The following PPP2R2D variants were observed in gnomAD, a reference collection of about 807,000 sequenced individuals.
PPP2R2D encodes protein phosphatase 2 regulatory subunit Bdelta, also known as serine/threonine-protein phosphatase 2A 55 kDa regulatory subunit B delta isoform.
A neutral mutation model predicts 31.1 loss-of-function variants in PPP2R2D; 9 were observed. That is an observed-to-expected ratio of 0.29 (90% CI 0.17 to 0.51). The LOEUF (loss-of-function observed/expected upper bound fraction) is 0.51, where lower values mean the gene tolerates loss of function less well. Among genes scored for constraint, PPP2R2D ranks in the 20% least tolerant of loss-of-function variants. The pLI, the probability that PPP2R2D is intolerant of heterozygous loss-of-function variation, is 0.98. For synonymous variants in PPP2R2D, 179 were observed against 172.6 expected (o/e 1.04, Z -0.29); for missense variants, 391 against 465.6 (o/e 0.84, Z 1.48).
chr10:131,933,023 TA>T (rs2036270881), intron 2 of PPP2R2D, among the ~76,000 whole-genome samples: 1 of 152,250 alleles, frequency 6.6e-6, no homozygotes, highest in Admixed American at 6.5e-5. Flanking sequence ...GACATAGATT[TA>T]GACCTTTTTA....
chr10:131,966,017 A>G, the PPP2R2D span, among the ~76,000 whole-genome samples: 2 of 152,166 alleles, frequency 1.3e-5, no homozygotes, highest in African/African-American at 2.4e-5. Flanking sequence ...AATACTGCGT[A>G]TTTAGTTATA....
chr10:131,930,252 GTCTA>G (rs2036195936), intron 2 of PPP2R2D, among the ~76,000 whole-genome samples: 1 of 151,968 alleles, frequency 6.6e-6, no homozygotes, highest in South Asian at 2.1e-4. Context: ...ACTTCAACAG[GTCTA>G]TCAAATACCA....
intron 5 of PPP2R2D, 78 bp from the exon 6 acceptor site, chr10:131,943,888 CTT>C: frequency 1.5e-6 from 1 of 686,100 alleles, no homozygotes; most frequent in Non-Finnish European, 2.6e-6. Context: ...AACTTGTCCT[CTT>C]TCGTTATCTA....
At chr10:131,942,968 G>T (rs151081671) in intron 5 of PPP2R2D, among the ~76,000 whole-genome samples, 70 of 152,250 alleles carry the variant, frequency 4.6e-4, no homozygotes, top group Non-Finnish European at 8.7e-4. Context: ...ACAGAATTCA[G>T]CCAGACAAGA....
At position 131,956,081 on chromosome 10, in the gene PPP2R2D, T is replaced by G; in HGVS notation, c.*118T>G. The G allele has an allele frequency of 3.9e-6, 5 of 1,274,766 alleles. No individual in the cohort carries two copies. Among genetic ancestry groups the G allele is most frequent in the Middle Eastern group, 2.2e-4 (1 of 4,598 alleles). 79.0% of individuals were successfully genotyped at this position (1,274,766 alleles called of 1,614,324 possible). On this transcript the variant is annotated 3_prime_UTR_variant, in exon 9 of 9. Coordinates refer to ENST00000455566, the MANE Select transcript of PPP2R2D (RefSeq NM_018461.5). ...ACAGTGACGCACCTGCTACTTCCCT[T>G]CACAGACACAGGAGAAAGCCGCCTC...
At chr10:131,931,270 G>T (rs1554895648) in intron 2 of PPP2R2D, among the ~76,000 whole-genome samples, 2 of 152,226 alleles carry the variant, frequency 1.3e-5, no homozygotes, top group African/African-American at 4.8e-5. Context: ...GTAGCGGCTG[G>T]TAGTAGTCAG....
intron 8 of PPP2R2D, among the ~76,000 whole-genome samples, chr10:131,954,923 A>G (rs1230910738): frequency 3.3e-5 from 5 of 152,228 alleles, no homozygotes; most frequent in African/African-American, 4.8e-5. Flanking sequence ...AACTGGACTC[A>G]TGAAGCCATG....
At position 131,956,768 on chromosome 10, in the gene PPP2R2D, C is replaced by T. The variant is rs2036807378; in HGVS notation, c.*805C>T. On this transcript the variant is annotated 3_prime_UTR_variant, in exon 9 of 9. Coordinates refer to ENST00000455566, the MANE Select transcript of PPP2R2D (RefSeq NM_018461.5). ...CTGGGAAAAGCCAGAACCGAGGCCACCTCTGAGAAAGAAAATTGCAAGGAA... is the reference window on the plus strand; with the variant it reads ...CTGGGAAAAGCCAGAACCGAGGCCATCTCTGAGAAAGAAAATTGCAAGGAA... 1 of 197,312 alleles carries T rather than the reference C, an allele frequency of 5.1e-6. No homozygotes were observed. Among genetic ancestry groups the T allele is most frequent in the African/African-American group, 2.4e-5 (1 of 42,320 alleles). 12.2% of individuals were successfully genotyped at this position (197,312 alleles called of 1,614,324 possible).
In PPP2R2D at chr10:131,956,949, T is replaced by C. The variant is rs1352882305; in HGVS notation, c.*986T>C. On this transcript the variant is annotated 3_prime_UTR_variant, in exon 9 of 9. Transcript: ENST00000455566. ...TGCTAAAATTACATGCATGCTAAATTTCATCCTGCATTTCAAGCCAGCAAA... is the reference window on the plus strand; with the variant it reads ...TGCTAAAATTACATGCATGCTAAATCTCATCCTGCATTTCAAGCCAGCAAA... 1.3e-5 allele frequency: 2 copies of C among 152,258 alleles called. No individual in the cohort carries two copies. The highest frequency in any genetic ancestry group is 4.8e-5 in the African/African-American group (2 of 41,468). The allele number at this position is 152,258 out of a possible 1,614,324, so 9.4% of individuals were successfully genotyped here. A position where few individuals can be genotyped will look rare whatever the true frequency, so the allele number is the denominator to read the frequency against.
the PPP2R2D span, chr10:131,971,012 CGT>C: frequency 1.9e-6 from 3 of 1,579,076 alleles, no homozygotes; most frequent in Non-Finnish European, 1.7e-6. Context: ...GTGTACCACA[CGT>C]GACACGGGAA....
chr10:131,952,162 A>G (rs2036650459), intron 8 of PPP2R2D, among the ~76,000 whole-genome samples: 1 of 80,580 alleles, frequency 1.2e-5, no homozygotes, highest in Non-Finnish European at 2.1e-5. Context: ...CTTAGCAGTG[A>G]CTTGCGGGTG....
At chr10:131,917,281 A>C in intron 2 of PPP2R2D, among the ~76,000 whole-genome samples, 1 of 130,526 alleles carries the variant, frequency 7.7e-6, no homozygotes, top group Non-Finnish European at 1.6e-5. Context: ...GGAATGACAC[A>C]GTGTTTGTAG....
chr10:131,906,953 A>T (rs1208563654), intron 2 of PPP2R2D, among the ~76,000 whole-genome samples: 2 of 151,608 alleles, frequency 1.3e-5, no homozygotes, highest in Non-Finnish European at 2.9e-5. Flanking sequence ...AAAAAAGAAA[A>T]AATAATAATA....
At chr10:131,971,012 C>G in the PPP2R2D span, 8 of 1,579,076 alleles carry the variant, frequency 5.1e-6, no homozygotes, top group South Asian at 8.9e-5. Flanking sequence ...GTGTACCACA[C>G]GTGACACGGG....
chr10:131,962,372 A>G (rs1324907996), downstream of PPP2R2D, among the ~76,000 whole-genome samples: 3 of 152,216 alleles, frequency 2.0e-5, no homozygotes, highest in Non-Finnish European at 4.4e-5. Flanking sequence ...TGCAGATTGC[A>G]AAGAGGCGAA....
chr10:131,951,187 G>C (rs1475836489), intron 8 of PPP2R2D, among the ~76,000 whole-genome samples: 1 of 152,272 alleles, frequency 6.6e-6, no homozygotes, highest in Non-Finnish European at 1.5e-5. Flanking sequence ...GGGGGAGAGG[G>C]TGGAGACCAG....
intron 8 of PPP2R2D, 133 bp from the exon 9 acceptor site, chr10:131,955,551 C>G: frequency 1.5e-6 from 1 of 683,456 alleles, no homozygotes; most frequent in Non-Finnish European, 2.1e-6. Flanking sequence ...TGTGATTGAT[C>G]ATTCCTGATT....
chr10:131,932,646 CAAAAAAAA>C (rs368610703), intron 2 of PPP2R2D, among the ~76,000 whole-genome samples: 138 of 57,862 alleles, frequency 2.4e-3, no homozygotes, highest in Non-Finnish European at 3.2e-3. Context: ...CAGCCTGTCT[CAAAAAAAA>C]AAAAAAAAAA....
At chr10:131,946,799 A>C (rs560536864) in intron 7 of PPP2R2D, among the ~76,000 whole-genome samples, 1 of 152,338 alleles carries the variant, frequency 6.6e-6, no homozygotes, top group South Asian at 2.1e-4. Flanking sequence ...AGCCAGGTGC[A>C]GTGGTGCTCA....
Sources: allele counts gnomAD v4.1 joint callset (sites outside exome capture counted in the v4.1 genomes callset), GRCh38; gene constraint gnomAD v4.1.1; transcripts MANE v1.5; gene names NCBI Gene and HGNC (gene_info 2026-07-23, HGNC 2026-07-21).